The following SCN1A variants were observed in gnomAD, a reference collection of about 807,000 sequenced individuals.
SCN1A encodes the protein sodium voltage-gated channel alpha subunit 1.
In SCN1A, 13 loss-of-function variants were observed where a neutral mutation model predicts 193.7. That is an observed-to-expected ratio of 0.07 (90% confidence interval 0.04 to 0.11). SCN1A has a LOEUF of 0.11. Among genes scored for constraint, SCN1A ranks in the 10% least tolerant of loss-of-function variants. SCN1A has a pLI of 1.00. For missense variants in SCN1A, 1,432 were observed against 2,451.1 expected (o/e 0.58, Z 8.78); for synonymous variants, 781 against 843.6 (o/e 0.93, Z 1.29).
chr2:166,063,072 G>C (rs898828260), intron 4 of SCN1A, among the ~76,000 whole-genome samples: 2 of 152,086 alleles, frequency 1.3e-5, no homozygotes, highest in African/African-American at 4.8e-5. Context: ...TTGTGGTTTA[G>C]TACAATTCAG....
At position 166,034,112 on chromosome 2, in the gene SCN1A, AT is replaced by A. The variant is rs60971346; in HGVS notation, c.3429+1935del. Among the ~76,000 whole-genome samples, 59 of 151,592 alleles carry A rather than the reference AT, an allele frequency of 3.9e-4. 1 individual carries two copies. Among genetic ancestry groups the A allele is most frequent in the South Asian group, 6.3e-4 (3 of 4,790 alleles). On this transcript the variant is annotated intron_variant, in intron 19 of 28. Coordinates refer to ENST00000674923, the MANE Select transcript of SCN1A (RefSeq NM_001165963.4). Reference sequence around the variant, plus strand: ...CCACAATATTTGATAAAAACAGTCTATTTTTTTTTTGTCCTGAATCTATTTC... The same window carrying A: ...CCACAATATTTGATAAAAACAGTCTATTTTTTTTTGTCCTGAATCTATTTC...
In SCN1A at chr2:166,037,911, G is replaced by A. The variant is rs558678383; in HGVS notation, c.2811C>T (p.Phe937=). The change falls in exon 18 of 29, where the codon TTC becomes TTT. Residue 937 remains phenylalanine (F), a synonymous_variant. Transcript: ENST00000674923. ...CQLPRWHMND[F]FHSFLIVFRV... ...GGAACACAATCAGGAAGGAGTGGAAGAAGTCATTCATGTGCCAGCGTGGGA... is the reference window on the plus strand; with the variant it reads ...GGAACACAATCAGGAAGGAGTGGAAAAAGTCATTCATGTGCCAGCGTGGGA... 30 of 1,614,210 alleles carry A rather than the reference G, an allele frequency of 1.9e-5. No homozygotes were observed. The African/African-American group carries it at 3.9e-4, about 21-fold the overall frequency.
intron 1 of SCN1A, among the ~76,000 whole-genome samples, chr2:166,147,414 A>G (rs1692367158): frequency 6.6e-6 from 1 of 152,226 alleles, no homozygotes; most frequent in Admixed American, 6.5e-5. Flanking sequence ...AAAAATTAAT[A>G]TATTTTAAGC....
intron 19 of SCN1A, chr2:166,016,092 G>A (rs1693259913): frequency 3.8e-6 from 1 of 266,330 alleles, no homozygotes; most frequent in African/African-American, 2.3e-5. Context: ...GCTTACCTTA[G>A]AAGAAAATAA....
intron 2 of SCN1A, among the ~76,000 whole-genome samples, chr2:166,095,427 TATA>T (rs953524258): frequency 6.6e-6 from 1 of 152,212 alleles, no homozygotes; most frequent in Admixed American, 6.5e-5. Flanking sequence ...TTTTTAGTAA[TATA>T]ATACCTTTAT....
upstream of SCN1A, among the ~76,000 whole-genome samples, chr2:166,129,075 A>C (rs1490481489): frequency 6.6e-6 from 1 of 152,122 alleles, no homozygotes; most frequent in East Asian, 1.9e-4. Context: ...TTATCAATAT[A>C]ACCTTCAATA....
chr2:166,088,966 A>T (rs1408260739), intron 2 of SCN1A, among the ~76,000 whole-genome samples: 1 of 152,174 alleles, frequency 6.6e-6, no homozygotes, highest in Non-Finnish European at 1.5e-5. Context: ...CACACAGTTA[A>T]ATTTGAATTT....
intron 14 of SCN1A, among the ~76,000 whole-genome samples, chr2:166,043,073 T>C (rs1474504660): frequency 2.0e-5 from 3 of 152,208 alleles, no homozygotes; most frequent in African/African-American, 7.2e-5. Flanking sequence ...CTCATCTGAG[T>C]ATACATCCAC....
chr2:166,007,999 T>A (rs1691880530), intron 23 of SCN1A, among the ~76,000 whole-genome samples: 1 of 151,286 alleles, frequency 6.6e-6, no homozygotes, highest in African/African-American at 2.4e-5. Flanking sequence ...ATTGAAGAGA[T>A]TAGTCATTTT....
intron 2 of SCN1A, chr2:166,081,606 G>A (rs996059390): frequency 6.6e-6 from 1 of 151,782 alleles, no homozygotes; most frequent in African/African-American, 2.4e-5. Flanking sequence ...TCCCATCCCC[G>A]AGAGACACCC....
chr2:166,073,343 A>C lies in SCN1A; in HGVS notation c.264+15T>G. 1 of 1,613,092 alleles carries C rather than the reference A, an allele frequency of 6.2e-7. No individual in the cohort carries two copies. The highest frequency in any genetic ancestry group is 1.1e-5 in the South Asian group (1 of 91,026). ...GGCAATTAGCAGCAAAATATGCCTG[A>C]TAAAAAACACTCACTTTCTTATTGA... is the stretch of plus-strand genomic sequence containing the variant. On this transcript the variant is annotated intron_variant, in intron 4 of 28. Coordinates refer to ENST00000674923, the MANE Select transcript of SCN1A (RefSeq NM_001165963.4).
Position 166,045,202 on chromosome 2 carries a change from C to T in SCN1A, c.1503G>A (p.Arg501=). ...SKSAKERRNR[R]KKRKQKEQSG... Reference sequence around the variant, plus strand: ...ACTGCTCTTTCTGTTTTCTTTTCTTCCTCCGATTTCTTCTTTCCTTAGCAC... The same window carrying T: ...ACTGCTCTTTCTGTTTTCTTTTCTTTCTCCGATTTCTTCTTTCCTTAGCAC... The change falls in exon 13 of 29, where the codon AGG becomes AGA. Residue 501 remains arginine, a synonymous_variant. Coordinates refer to ENST00000674923, the MANE Select transcript of SCN1A (RefSeq NM_001165963.4). 6.2e-7 allele frequency: 1 copy of T among 1,614,154 alleles called. No individual in the cohort carries two copies. The highest frequency in any genetic ancestry group is 8.5e-7 in the Non-Finnish European group (1 of 1,180,034).
intron 19 of SCN1A, among the ~76,000 whole-genome samples, chr2:166,033,921 A>C (rs1170139386): frequency 6.6e-6 from 1 of 152,140 alleles, no homozygotes; most frequent in Non-Finnish European, 1.5e-5. Context: ...AGACAAAGGA[A>C]GCTAGACTAG....
intron 1 of SCN1A, among the ~76,000 whole-genome samples, chr2:166,146,370 A>G (rs1692322164): frequency 6.6e-6 from 1 of 151,508 alleles, no homozygotes; most frequent in East Asian, 2.0e-4. Context: ...ACCTACTTCC[A>G]AAAGGATAAA....
chr2:165,984,792 C>G (rs539028592), downstream of SCN1A: 137 of 152,154 alleles, frequency 9.0e-4, 1 homozygote, highest in African/African-American at 3.2e-3. Flanking sequence ...TATAGCTTGG[C>G]TCCATAGGGG....
rs766062778 is a variant in SCN1A, at chr2:166,036,538, A to G, written c.2947-8T>C. ...CAGAAAGAGATTCAGGACCTTAAAA[A>G]CAACAAAAACATGATTATAATTTTA... On this transcript the variant is annotated splice_polypyrimidine_tract_variant and splice_region_variant and intron_variant, in intron 18 of 28. Transcript: ENST00000674923. 2 of 1,612,810 alleles carry G rather than the reference A, an allele frequency of 1.2e-6. No homozygotes were observed. Among genetic ancestry groups the G allele is most frequent in the Non-Finnish European group, 1.7e-6 (2 of 1,179,220 alleles).
chr2:166,035,912 T>C, intron 19 of SCN1A, 136 bp downstream of exon 19: 3 of 863,078 alleles, frequency 3.5e-6, no homozygotes, highest in Non-Finnish European at 5.3e-6. Flanking sequence ...TGAATGGCTA[T>C]TGCTTTTGTA....
chr2:166,002,903 T>C, intron 23 of SCN1A, 150 bp from the exon 24 acceptor site: 1 of 617,284 alleles, frequency 1.6e-6, no homozygotes, highest in Non-Finnish European at 2.6e-6. Flanking sequence ...CAAAAAAATC[T>C]TAAAATTCAT....
chr2:166,078,467 T>G (rs919101445), intron 2 of SCN1A, among the ~76,000 whole-genome samples: 1 of 150,688 alleles, frequency 6.6e-6, no homozygotes, highest in Non-Finnish European at 1.5e-5. Flanking sequence ...ATATTGATAG[T>G]TGGGGGAGGC....
Sources: allele counts gnomAD v4.1 joint callset (sites outside exome capture counted in the v4.1 genomes callset), GRCh38; gene constraint gnomAD v4.1.1; transcripts MANE v1.5; gene names NCBI Gene and HGNC (gene_info 2026-07-23, HGNC 2026-07-21).